DLG2: variants seen among roughly 807,000 people sequenced by gnomAD.
The protein encoded by DLG2 is disks large homolog 2.
In DLG2, 45 loss-of-function variants were observed where a neutral mutation model predicts 132.5. The ratio of observed to expected loss-of-function variants is 0.34; its 90% CI spans 0.27 to 0.44. The LOEUF is 0.44. DLG2 is among the 20% of genes least tolerant of loss of function. The pLI is 1.00. For missense variants in DLG2, 1,045 were observed against 1,196.9 expected (o/e 0.87, Z 1.87); for synonymous variants, 424 against 419.6 (o/e 1.01, Z -0.13).
chr11:85,063,468 A>C (rs776026090), intron 6 of DLG2, among the ~76,000 whole-genome samples: 3 of 151,838 alleles, frequency 2.0e-5, no homozygotes, highest in Non-Finnish European at 4.4e-5. Context: ...ACATTACTTT[A>C]TGGGGCTCCT....
rs1168066333 is a variant in DLG2, at chr11:85,607,359, C to G, written c.-92-8571G>C. Among the ~76,000 whole-genome samples, 4 of 152,166 alleles carry G rather than the reference C, an allele frequency of 2.6e-5. No individual in the cohort carries two copies. In the East Asian group the frequency reaches 7.7e-4, roughly 29 times the overall value. ...AGGGTCGACAGAGGGGAAAGTCATT[C>G]AACTCCAGGGTCCCGACAACAAGTT... On this transcript the variant is annotated intron_variant, in intron 2 of 27. Coordinates refer to ENST00000376104, the MANE Select transcript of DLG2 (RefSeq NM_001142699.3).
chr11:83,976,649 G>T (rs942265682), intron 12 of DLG2, among the ~76,000 whole-genome samples: 12 of 151,892 alleles, frequency 7.9e-5, no homozygotes, highest in African/African-American at 2.9e-4. Context: ...AGTATAAAAT[G>T]AATCATTTTC....
intron 3 of DLG2, among the ~76,000 whole-genome samples, chr11:85,590,756 A>G (rs937262105): frequency 1.1e-4 from 17 of 152,192 alleles, no homozygotes; most frequent in African/African-American, 3.9e-4. Context: ...GAAAACCTAG[A>G]TGAGAAAGCC....
At chr11:83,984,179 G>GTAGA (rs1189212996) in intron 11 of DLG2, among the ~76,000 whole-genome samples, 1 of 141,484 alleles carries the variant, frequency 7.1e-6, no homozygotes, top group African/African-American at 2.5e-5. Flanking sequence ...TATGGATACT[G>GTAGA]TAGATAGATA....
chr11:85,231,743 A>G (rs935973065), intron 4 of DLG2, among the ~76,000 whole-genome samples: 1 of 151,898 alleles, frequency 6.6e-6, no homozygotes, highest in African/African-American at 2.4e-5. Flanking sequence ...TAAGGCAATC[A>G]ATCAAAGGCT....
Position 83,517,232 on chromosome 11 carries a change from C to T in DLG2, c.2193+15476G>A, listed in dbSNP as rs189958112. Among the ~76,000 whole-genome samples the T allele has an allele frequency of 2.8e-4, 43 of 152,264 alleles. No homozygotes were observed. In the East Asian group the frequency reaches 8.1e-3, roughly 29 times the overall value. ...GAGGCTTTGTGCATTTCTTTTTATT[C>T]TTTTTTCTCTAAACTCTGCTTGCTT... On this transcript the variant is annotated intron_variant, in intron 21 of 27. Coordinates refer to ENST00000376104, the MANE Select transcript of DLG2 (RefSeq NM_001142699.3).
At chr11:84,206,247 G>A (rs1401441393) in intron 8 of DLG2, among the ~76,000 whole-genome samples, 3 of 152,048 alleles carry the variant, frequency 2.0e-5, no homozygotes, top group African/African-American at 7.2e-5. Flanking sequence ...AACATTGAAT[G>A]TGAAGTTTAA....
intron 6 of DLG2, among the ~76,000 whole-genome samples, chr11:84,781,181 G>A (rs920943866): frequency 6.6e-6 from 1 of 151,926 alleles, no homozygotes; most frequent in South Asian, 2.1e-4. Context: ...TCTTTTGAAT[G>A]TAAGTTAGTG....
At chr11:84,537,740 T>TCCTC (rs1207928080) in intron 6 of DLG2, among the ~76,000 whole-genome samples, 1 of 152,236 alleles carries the variant, frequency 6.6e-6, no homozygotes, top group African/African-American at 2.4e-5. Flanking sequence ...TTGGTATTGT[T>TCCTC]TATTCTCACA....
chr11:84,952,908 T>C (rs775937043), intron 6 of DLG2, among the ~76,000 whole-genome samples: 1 of 152,222 alleles, frequency 6.6e-6, no homozygotes, highest in Non-Finnish European at 1.5e-5. Context: ...AGGTTTTCCG[T>C]GAGCTGAAAC....
At chr11:83,754,558 C>A (rs1250012386) in intron 18 of DLG2, among the ~76,000 whole-genome samples, 1 of 151,360 alleles carries the variant, frequency 6.6e-6, no homozygotes, top group Non-Finnish European at 1.5e-5. Flanking sequence ...TCCTTACTGA[C>A]AGTAAATAAA....
chr11:84,977,749 T>A (rs1242954771), intron 6 of DLG2, among the ~76,000 whole-genome samples: 2 of 152,178 alleles, frequency 1.3e-5, no homozygotes, highest in Non-Finnish European at 2.9e-5. Context: ...TAACACAGGT[T>A]TTGTAAAGGC....
At chr11:84,343,527 T>G (rs1291260923) in intron 7 of DLG2, among the ~76,000 whole-genome samples, 2 of 152,190 alleles carry the variant, frequency 1.3e-5, no homozygotes, top group East Asian at 3.8e-4. Flanking sequence ...GAAGCATTCC[T>G]TGTCTTCGAG....
intron 7 of DLG2, among the ~76,000 whole-genome samples, chr11:84,481,532 G>A (rs965181800): frequency 2.6e-5 from 4 of 152,222 alleles, no homozygotes; most frequent in African/African-American, 4.8e-5. Flanking sequence ...AGGGCCATAC[G>A]TAGTATCACA....
intron 6 of DLG2, among the ~76,000 whole-genome samples, chr11:84,673,245 T>C (rs1398907239): frequency 2.6e-5 from 4 of 152,124 alleles, no homozygotes; most frequent in African/African-American, 4.8e-5. Flanking sequence ...TGCCTTCCTC[T>C]AAATGTATTT....
chr11:84,965,807 C>A (rs761783403), intron 6 of DLG2, among the ~76,000 whole-genome samples: 1 of 151,916 alleles, frequency 6.6e-6, no homozygotes, highest in African/African-American at 2.4e-5. Context: ...ACGGGGAGAT[C>A]GGCGCCTAAA....
chr11:84,471,061 A>G (rs1367255279), intron 7 of DLG2, among the ~76,000 whole-genome samples: 1 of 151,674 alleles, frequency 6.6e-6, no homozygotes, highest in Non-Finnish European at 1.5e-5. Context: ...GCCTTTCTCA[A>G]GACCATCTCA....
At chr11:84,157,427 T>C (rs1397876790) in intron 9 of DLG2, among the ~76,000 whole-genome samples, 1 of 152,204 alleles carries the variant, frequency 6.6e-6, no homozygotes, top group Admixed American at 6.5e-5. Context: ...TCCACTACTT[T>C]TTAAAAAAAT....
intron 15 of DLG2, among the ~76,000 whole-genome samples, chr11:83,904,972 C>T (rs1214691787): frequency 6.6e-6 from 1 of 152,144 alleles, no homozygotes; most frequent in East Asian, 1.9e-4. Flanking sequence ...ACTTATTAGA[C>T]TGAAAATGAA....
Sources: gnomAD v4.1 joint callset for allele counts (sites outside exome capture counted in the v4.1 genomes callset) on GRCh38, gnomAD v4.1.1 for gene constraint, MANE v1.5 for transcripts, NCBI Gene and HGNC (gene_info 2026-07-23, HGNC 2026-07-21) for gene names.